The following SENP5 variants were observed in gnomAD, a reference collection of about 807,000 sequenced individuals.
SENP5 encodes the protein SUMO specific peptidase 5.
In SENP5, 21 loss-of-function variants were observed where a neutral mutation model predicts 74.2. The ratio of observed to expected loss-of-function variants is 0.28; its 90% CI spans 0.20 to 0.41. SENP5 has a LOEUF of 0.41. SENP5 is among the 10% of genes least tolerant of loss of function. The probability of loss-of-function intolerance (pLI) is 1.00; values close to 1 mark genes in which losing one functional copy is unlikely to be tolerated. For missense variants in SENP5, 717 were observed against 889.1 expected (o/e 0.81, Z 2.46); for synonymous variants, 311 against 312.7 (o/e 0.99, Z 0.06).
At chr3:196,920,257 T>C (rs989452471) in intron 6 of SENP5, among the ~76,000 whole-genome samples, 2 of 152,242 alleles carry the variant, frequency 1.3e-5, no homozygotes, top group African/African-American at 2.4e-5. Flanking sequence ...AGTGTATACA[T>C]CTTACATATA....
At chr3:196,919,632 A>G (rs1173060334) in intron 6 of SENP5, among the ~76,000 whole-genome samples, 5 of 152,134 alleles carry the variant, frequency 3.3e-5, no homozygotes, top group African/African-American at 4.8e-5. Flanking sequence ...CGTGTCTACT[A>G]AAAATACAAA....
intron 2 of SENP5, among the ~76,000 whole-genome samples, chr3:196,894,546 T>TC (rs1465534419): frequency 1.3e-5 from 2 of 151,990 alleles, no homozygotes; most frequent in Admixed American, 6.6e-5. Flanking sequence ...TTTTTTTTTT[T>TC]TAAATTTATT....
At chr3:196,919,056 G>A (rs1715506323) in intron 6 of SENP5, among the ~76,000 whole-genome samples, 1 of 152,116 alleles carries the variant, frequency 6.6e-6, no homozygotes, top group Admixed American at 6.6e-5. Context: ...TATTATCTGA[G>A]CTAAAGAGAG....
At chr3:196,895,669 G>A (rs751659363) in intron 2 of SENP5, among the ~76,000 whole-genome samples, 87 of 152,188 alleles carry the variant, frequency 5.7e-4, no homozygotes, top group Non-Finnish European at 6.3e-4. Context: ...CTACAGGCAT[G>A]TGCCAACATG....
At chr3:196,912,267 T>TGA (rs1446785505) in intron 6 of SENP5, among the ~76,000 whole-genome samples, 2 of 152,174 alleles carry the variant, frequency 1.3e-5, no homozygotes, top group African/African-American at 2.4e-5. Context: ...TCATGTCCTT[T>TGA]GAAGGGACAA....
intron 1 of SENP5, among the ~76,000 whole-genome samples, chr3:196,882,550 C>G (rs1052233561): frequency 6.6e-6 from 1 of 152,152 alleles, no homozygotes; most frequent in African/African-American, 2.4e-5. Flanking sequence ...GTCGCCCAGG[C>G]TAGACTGCAG....
chr3:196,917,055 A>C (rs1715409518), intron 6 of SENP5, among the ~76,000 whole-genome samples: 1 of 151,868 alleles, frequency 6.6e-6, no homozygotes, highest in African/African-American at 2.4e-5. Flanking sequence ...AATCGCTTGA[A>C]CCTGGGAGAC....
chr3:196,876,320 G>A (rs569660920), intron 1 of SENP5, among the ~76,000 whole-genome samples: 3 of 152,002 alleles, frequency 2.0e-5, no homozygotes, highest in African/African-American at 4.8e-5. Context: ...TCAAGAGATC[G>A]AGACTATCCT....
chr3:196,909,998 A>G (rs1012458041), intron 6 of SENP5, among the ~76,000 whole-genome samples: 6 of 152,186 alleles, frequency 3.9e-5, no homozygotes, highest in East Asian at 1.9e-4. Flanking sequence ...TATTTAGAAA[A>G]TGCCATCGTC....
intron 2 of SENP5, among the ~76,000 whole-genome samples, chr3:196,895,851 A>G (rs887054633): frequency 2.0e-5 from 3 of 152,124 alleles, no homozygotes; most frequent in Non-Finnish European, 4.4e-5. Flanking sequence ...ATGACACCTC[A>G]GGTTTTGTTT....
chr3:196,927,698 C>A, intron 7 of SENP5, 98 bp from the exon 8 acceptor site: 2 of 677,650 alleles, frequency 3.0e-6, no homozygotes, highest in Non-Finnish European at 5.2e-6. Flanking sequence ...AGTTATGGGG[C>A]CACAGCCTCC....
chr3:196,880,848 C>T (rs1420170878), intron 1 of SENP5, among the ~76,000 whole-genome samples: 1 of 152,004 alleles, frequency 6.6e-6, no homozygotes, highest in African/African-American at 2.4e-5. Context: ...ACCGTGTTGG[C>T]CAGACTGGTC....
At chr3:196,888,427 AC>A in intron 2 of SENP5, among the ~76,000 whole-genome samples, 1 of 152,118 alleles carries the variant, frequency 6.6e-6, no homozygotes, top group Non-Finnish European at 1.5e-5. Context: ...TACTAAAAAT[AC>A]AAAAATCAGC....
chr3:196,919,956 A>G (rs574484879), intron 6 of SENP5, among the ~76,000 whole-genome samples: 38 of 152,152 alleles, frequency 2.5e-4, no homozygotes, highest in Non-Finnish European at 4.7e-4. Context: ...TTTTATGTTA[A>G]CACTACACAG....
rs188441447 is a variant in SENP5 at position 196,892,408 on chromosome 3, A to G, written c.1513+5714A>G. Among the ~76,000 whole-genome samples the G allele has an allele frequency of 2.1e-3, 320 of 152,324 alleles. 1 individual carries two copies. The highest frequency in any genetic ancestry group is 4.1e-3 in the Admixed American group (63 of 15,300). On this transcript the variant is annotated intron_variant, in intron 2 of 9. Transcript: ENST00000323460. ...GTGATCCGCCCGGCTTAGCCTCCCA[A>G]AGTGCTGGGATTACAGGCATGAGCC... is the stretch of plus-strand genomic sequence containing the variant.
At chr3:196,895,482 G>A (rs942450970) in intron 2 of SENP5, among the ~76,000 whole-genome samples, 19 of 148,560 alleles carry the variant, frequency 1.3e-4, no homozygotes, top group East Asian at 5.8e-4. Context: ...CACCGCGCCC[G>A]GCCTTACTTT....
At chr3:196,910,320 A>G (rs550059696) in intron 6 of SENP5, among the ~76,000 whole-genome samples, 68 of 142,494 alleles carry the variant, frequency 4.8e-4, no homozygotes, top group African/African-American at 1.7e-3. Context: ...AAATGGCCAT[A>G]CTGCCCAAAG....
chr3:196,915,928 CCTT>C (rs1361567385), intron 6 of SENP5, among the ~76,000 whole-genome samples: 1 of 152,132 alleles, frequency 6.6e-6, no homozygotes, highest in African/African-American at 2.4e-5. Flanking sequence ...ACCTGGAAAG[CCTT>C]CTCAAGAAGG....
chr3:196,910,931 C>T (rs1444378813), intron 6 of SENP5, among the ~76,000 whole-genome samples: 2 of 152,106 alleles, frequency 1.3e-5, no homozygotes, highest in African/African-American at 2.4e-5. Flanking sequence ...CATACACAAC[C>T]ATCTCATCAT....
Sources: allele counts gnomAD v4.1 joint callset (sites outside exome capture counted in the v4.1 genomes callset), GRCh38; gene constraint gnomAD v4.1.1; transcripts MANE v1.5; gene names NCBI Gene and HGNC (gene_info 2026-07-23, HGNC 2026-07-21).